Variants in PCDH15 observed in about 807,000 individuals in gnomAD.
PCDH15 encodes protocadherin-15.
Under a neutral mutation model 178.5 loss-of-function variants are expected in PCDH15, and 129 were observed. That is an observed-to-expected ratio of 0.72 (90% confidence interval 0.63 to 0.84). The LOEUF is 0.84. Among genes scored for constraint, PCDH15 ranks in the 40% least tolerant of loss-of-function variants. The probability of loss-of-function intolerance (pLI) is 0.00; values close to 1 mark genes in which losing one functional copy is unlikely to be tolerated. For missense variants in PCDH15, 2,230 were observed against 2,099.9 expected (o/e 1.06, Z -1.21); for synonymous variants, 800 against 732.0 (o/e 1.09, Z -1.50).
chr10:53,830,108 C>G (rs1258546527), intron 30 of PCDH15, among the ~76,000 whole-genome samples: 1 of 152,030 alleles, frequency 6.6e-6, no homozygotes, highest in Non-Finnish European at 1.5e-5. Flanking sequence ...TTGAGACCAG[C>G]CTGACCAACA....
At chr10:54,370,934 T>C (rs1419858397) in intron 4 of PCDH15, among the ~76,000 whole-genome samples, 2 of 151,796 alleles carry the variant, frequency 1.3e-5, no homozygotes. Flanking sequence ...CTAGAAAGAA[T>C]AAATTGAGGC....
intron 2 of PCDH15, among the ~76,000 whole-genome samples, chr10:55,610,865 T>G (rs1293563909): frequency 4.6e-5 from 7 of 152,064 alleles, no homozygotes; most frequent in African/African-American, 1.7e-4. Flanking sequence ...ATTGGGTGGT[T>G]GTCTAAGGCA....
chr10:54,424,486 T>A (rs1955985501), intron 3 of PCDH15, among the ~76,000 whole-genome samples: 1 of 151,902 alleles, frequency 6.6e-6, no homozygotes, highest in East Asian at 1.9e-4. Context: ...AAATACCATT[T>A]GACCCAGCTG....
intron 3 of PCDH15, among the ~76,000 whole-genome samples, chr10:54,414,323 C>T (rs1353532750): frequency 2.0e-5 from 3 of 151,972 alleles, no homozygotes; most frequent in African/African-American, 7.2e-5. Flanking sequence ...ACAAAATTAA[C>T]ATAATTCCAA....
intron 29 of PCDH15, among the ~76,000 whole-genome samples, chr10:53,838,974 G>A (rs890096767): frequency 9.9e-5 from 15 of 152,104 alleles, no homozygotes; most frequent in African/African-American, 3.1e-4. Flanking sequence ...GGATGCCAAG[G>A]CGGGCGGATC....
chr10:54,446,320 T>C (rs1267152087), intron 3 of PCDH15, among the ~76,000 whole-genome samples: 1 of 151,704 alleles, frequency 6.6e-6, no homozygotes, highest in Non-Finnish European at 1.5e-5. Flanking sequence ...ATACATTCTC[T>C]CATATTCAAA....
chr10:55,548,226 A>ACACACG (rs1841933587), intron 2 of PCDH15, among the ~76,000 whole-genome samples: 1 of 151,020 alleles, frequency 6.6e-6, no homozygotes, highest in African/African-American at 2.4e-5. Flanking sequence ...ACACACACAC[A>ACACACG]CACACACACA....
At position 55,256,311 on chromosome 10, in the gene PCDH15, G is replaced by A. The variant is rs553878208; in HGVS notation, c.-156+63288C>T. On this transcript the variant is annotated intron_variant, in intron 1 of 5. Coordinates refer to the PCDH15 transcript ENST00000458638. ...TCCCAGTGTGAGCGAGGCAGAAGAC[G>A]GGTGATTTCTGCATTTCCAACTGAG... is the stretch of plus-strand genomic sequence containing the variant. Among the ~76,000 whole-genome samples the A allele has an allele frequency of 1.1e-3, 160 of 152,248 alleles. 4 individuals carry two copies. The South Asian group carries it at 0.028, about 26-fold the overall frequency.
intron 2 of PCDH15, among the ~76,000 whole-genome samples, chr10:54,570,967 C>A (rs2089756554): frequency 6.6e-6 from 1 of 151,764 alleles, no homozygotes; most frequent in Non-Finnish European, 1.5e-5. Flanking sequence ...TGCCCGGCCT[C>A]ACTTGCATCA....
intron 35 of PCDH15, among the ~76,000 whole-genome samples, chr10:53,815,858 T>C (rs1032799344): frequency 2.0e-5 from 3 of 152,192 alleles, no homozygotes; most frequent in African/African-American, 7.2e-5. Flanking sequence ...AGTACAGATA[T>C]CAGCATTCTG....
intron 15 of PCDH15, among the ~76,000 whole-genome samples, chr10:54,103,569 C>A (rs536987378): frequency 6.6e-6 from 1 of 152,116 alleles, no homozygotes; most frequent in Admixed American, 6.6e-5. Context: ...GGTATATCTT[C>A]AGGACCCACC....
chr10:55,626,188 A>T (rs1837525296), intron 2 of PCDH15, among the ~76,000 whole-genome samples: 1 of 152,088 alleles, frequency 6.6e-6, no homozygotes, highest in Non-Finnish European at 1.5e-5. Flanking sequence ...TAAATAAAAT[A>T]AAAAAGCAAG....
chr10:54,245,825 T>A (rs2131993650), intron 8 of PCDH15, among the ~76,000 whole-genome samples: 1 of 152,174 alleles, frequency 6.6e-6, no homozygotes, highest in Non-Finnish European at 1.5e-5. Flanking sequence ...TTATCTTACA[T>A]AAATATTGAG....
intron 2 of PCDH15, among the ~76,000 whole-genome samples, chr10:55,454,021 T>A (rs1046878182): frequency 6.6e-6 from 1 of 152,088 alleles, no homozygotes; most frequent in Non-Finnish European, 1.5e-5. Flanking sequence ...AGAAGAGAAA[T>A]TTTTGTCTTA....
chr10:55,097,469 G>C (rs1348131270), intron 2 of PCDH15, among the ~76,000 whole-genome samples: 1 of 152,124 alleles, frequency 6.6e-6, no homozygotes, highest in African/African-American at 2.4e-5. Context: ...CTAAGAACAA[G>C]AGATGTCCCA....
chr10:54,851,928 C>T (rs1200089747), intron 3 of PCDH15, among the ~76,000 whole-genome samples: 1 of 152,094 alleles, frequency 6.6e-6, no homozygotes, highest in Non-Finnish European at 1.5e-5. Context: ...TAAAATAACA[C>T]ATTTTATAGA....
intron 8 of PCDH15, among the ~76,000 whole-genome samples, chr10:54,275,480 GC>G (rs2132593746): frequency 6.6e-6 from 1 of 151,850 alleles, no homozygotes; most frequent in East Asian, 1.9e-4. Context: ...CTGATGATAT[GC>G]CAATTCTCTG....
chr10:54,201,939 AATCATCAATTATGATTCTATATCT>A (rs1449259828), intron 10 of PCDH15, among the ~76,000 whole-genome samples: 4 of 152,190 alleles, frequency 2.6e-5, no homozygotes, highest in Non-Finnish European at 5.9e-5. Flanking sequence ...CAGCCCCCTC[AATCATCAATTATGATTCTATATCT>A]ATAGGGATGG....
chr10:53,924,121 G>A (rs2084255806), intron 25 of PCDH15, among the ~76,000 whole-genome samples: 1 of 152,208 alleles, frequency 6.6e-6, no homozygotes, highest in Admixed American at 6.5e-5. Context: ...CACTGTGGGA[G>A]CCCCTCTCTG....
Sources: gnomAD v4.1 joint callset for allele counts (sites outside exome capture counted in the v4.1 genomes callset) on GRCh38, gnomAD v4.1.1 for gene constraint, MANE v1.5 for transcripts, NCBI Gene and HGNC (gene_info 2026-07-23, HGNC 2026-07-21) for gene names.